The following ELK3 variants were observed in gnomAD, a reference collection of about 807,000 sequenced individuals.
ELK3 encodes ETS transcription factor ELK3.
Under a neutral mutation model 28.9 loss-of-function variants are expected in ELK3, and 10 were observed. The observed-to-expected ratio is 0.35, with a 90% CI of 0.21 to 0.59. ELK3 has a LOEUF of 0.59. Among genes scored for constraint, ELK3 ranks in the 20% least tolerant of loss-of-function variants. The probability of loss-of-function intolerance (pLI) is 0.82; values close to 1 mark genes in which losing one functional copy is unlikely to be tolerated. For missense variants in ELK3, 463 were observed against 517.3 expected, an observed-to-expected ratio of 0.90 and a Z score of 1.02; for synonymous variants, 272 against 243.5, an observed-to-expected ratio of 1.12 and a Z score of -1.09.
chr12:96,207,146 C>T (rs1462356548), intron 1 of ELK3, among the ~76,000 whole-genome samples: 2 of 152,198 alleles, frequency 1.3e-5, no homozygotes, highest in Non-Finnish European at 2.9e-5. Flanking sequence ...TTTAAACAGA[C>T]ATTGAATGAG....
chr12:96,196,564 A>G (rs1226248778), intron 1 of ELK3, among the ~76,000 whole-genome samples: 1 of 152,028 alleles, frequency 6.6e-6, no homozygotes, highest in East Asian at 1.9e-4. Context: ...AGGAGTTTCA[A>G]TTTATGAGGA....
chr12:96,236,240 G>A (rs1011734065), intron 2 of ELK3, among the ~76,000 whole-genome samples: 4 of 152,182 alleles, frequency 2.6e-5, no homozygotes, highest in Admixed American at 6.5e-5. Flanking sequence ...CAGCAGCAGC[G>A]CCCAGCCAAG....
intron 1 of ELK3, among the ~76,000 whole-genome samples, chr12:96,200,953 A>T (rs1197949013): frequency 6.6e-6 from 1 of 152,158 alleles, no homozygotes; most frequent in African/African-American, 2.4e-5. Context: ...GTGAGCCACC[A>T]TGCCTGGCCT....
At chr12:96,203,855 C>T (rs1230889273) in intron 1 of ELK3, among the ~76,000 whole-genome samples, 2 of 152,148 alleles carry the variant, frequency 1.3e-5, no homozygotes, top group Non-Finnish European at 2.9e-5. Context: ...GCAGGAGAAT[C>T]GCTTGAACCC....
chr12:96,258,183 T>C (rs2268503), intron 3 of ELK3, among the ~76,000 whole-genome samples: 12,288 of 152,286 alleles, frequency 0.081, 683 homozygotes, highest in South Asian at 0.19. Context: ...GCAGAGCTCA[T>C]GCTGAGCCGT....
intron 2 of ELK3, among the ~76,000 whole-genome samples, chr12:96,239,662 G>GT (rs1260298889): frequency 6.6e-6 from 1 of 152,236 alleles, no homozygotes; most frequent in Non-Finnish European, 1.5e-5. Flanking sequence ...ATTGTCTCGT[G>GT]TGTCTGCTCA....
chr12:96,261,845 T>C (rs1951995325), intron 4 of ELK3, among the ~76,000 whole-genome samples: 2 of 152,084 alleles, frequency 1.3e-5, no homozygotes, highest in East Asian at 1.9e-4. Flanking sequence ...TCTCTGGGAG[T>C]TGGGATACGT....
At chr12:96,209,404 G>A (rs1403273504) in intron 1 of ELK3, among the ~76,000 whole-genome samples, 1 of 152,182 alleles carries the variant, frequency 6.6e-6, no homozygotes, top group Non-Finnish European at 1.5e-5. Flanking sequence ...TAGAAGAGTT[G>A]GAGGATGCTC....
At chr12:96,223,465 A>T in intron 1 of ELK3, 100 bp from the exon 2 acceptor site, 1 of 1,096,288 alleles carries the variant, frequency 9.1e-7, no homozygotes. Context: ...TGGGGGAAGG[A>T]GGGGACAGCT....
rs539128366 is a variant in ELK3, at chr12:96,214,807, A to C, written c.-2-8758A>C. 3.9e-5 allele frequency among the ~76,000 whole-genome samples: 6 copies of C among 152,294 alleles called. No individual in the cohort carries two copies. In the South Asian group the frequency reaches 1.2e-3, roughly 32 times the overall value. ...CTGTGCTGAGTTATTGCAGATCCCTAATAATATAAAATGTTGTCTTCCAGT... is the reference window on the plus strand; with the variant it reads ...CTGTGCTGAGTTATTGCAGATCCCTCATAATATAAAATGTTGTCTTCCAGT... On this transcript the variant is annotated intron_variant, in intron 1 of 4. Transcript: ENST00000228741.
chr12:96,197,780 C>T (rs1353441163), intron 1 of ELK3, among the ~76,000 whole-genome samples: 1 of 152,158 alleles, frequency 6.6e-6, no homozygotes, highest in African/African-American at 2.4e-5. Context: ...TAAAGACCTC[C>T]TCTTTTTCTT....
rs80121671 is a variant in ELK3 at position 96,249,723 on chromosome 12, C to G, written c.1002+1989C>G. On this transcript the variant is annotated intron_variant, in intron 3 of 4. Transcript: ENST00000228741. ...GAACAGAGTGAGGCAGATGCCAGCC[C>G]TGTCTCAGAGGAAGTCAGCTCAGCC... 2.0e-3 allele frequency among the ~76,000 whole-genome samples: 310 copies of G among 152,342 alleles called. 6 individuals are homozygous for G. The East Asian group carries it at 0.046, about 22-fold the overall frequency.
chr12:96,235,603 C>A (rs1344792723), intron 2 of ELK3, among the ~76,000 whole-genome samples: 2 of 152,088 alleles, frequency 1.3e-5, no homozygotes. Flanking sequence ...AAGTGAGGAT[C>A]TTCGAGGGGA....
At chr12:96,200,053 C>T (rs1023751071) in intron 1 of ELK3, among the ~76,000 whole-genome samples, 5 of 151,890 alleles carry the variant, frequency 3.3e-5, no homozygotes, top group African/African-American at 1.2e-4. Flanking sequence ...ATCTAGATAC[C>T]TTCTCTTTTT....
chr12:96,194,892 G>C (rs1951451154), intron 1 of ELK3, among the ~76,000 whole-genome samples, 187 bp downstream of exon 1: 1 of 146,370 alleles, frequency 6.8e-6, no homozygotes, highest in Non-Finnish European at 1.5e-5. Flanking sequence ...AGGGGGCGCC[G>C]CGGATGCTCC....
At chr12:96,243,146 C>T (rs925759966) in intron 2 of ELK3, among the ~76,000 whole-genome samples, 1 of 152,154 alleles carries the variant, frequency 6.6e-6, no homozygotes, top group African/African-American at 2.4e-5. Flanking sequence ...ATGTTCTTTT[C>T]TTTAAAAACC....
At chr12:96,231,897 G>T (rs964118153) in intron 2 of ELK3, among the ~76,000 whole-genome samples, 2 of 152,122 alleles carry the variant, frequency 1.3e-5, no homozygotes, top group Non-Finnish European at 2.9e-5. Context: ...CCTCCTGAGG[G>T]GCTCAGCAGC....
At chr12:96,223,512 A>T (rs1951677535) in intron 1 of ELK3, 53 bp from the exon 2 acceptor site, 1 of 1,590,378 alleles carries the variant, frequency 6.3e-7, no homozygotes, top group Non-Finnish European at 8.6e-7. Context: ...CTCCTCGCCA[A>T]GTTTGGTCGG....
At chr12:96,211,867 C>G (rs543942586) in intron 1 of ELK3, among the ~76,000 whole-genome samples, 1 of 152,232 alleles carries the variant, frequency 6.6e-6, no homozygotes, top group African/African-American at 2.4e-5. Context: ...ATGAAACAGT[C>G]TTTAATTTTC....
Sources: gnomAD v4.1 joint callset for allele counts (sites outside exome capture counted in the v4.1 genomes callset) on GRCh38, gnomAD v4.1.1 for gene constraint, MANE v1.5 for transcripts, NCBI Gene and HGNC (gene_info 2026-07-23, HGNC 2026-07-21) for gene names.